Variants in ZCCHC8 observed in about 807,000 individuals in gnomAD.
ZCCHC8 encodes zinc finger CCHC domain-containing protein 8.
Under a neutral mutation model 70.6 loss-of-function variants are expected in ZCCHC8, and 27 were observed. The observed-to-expected ratio is 0.38, with a 90% CI of 0.28 to 0.53. ZCCHC8 has a LOEUF of 0.53. Among genes scored for constraint, ZCCHC8 ranks in the 20% least tolerant of loss-of-function variants. The pLI, the probability that ZCCHC8 is intolerant of heterozygous loss-of-function variation, is 0.81. For missense variants in ZCCHC8, 737 were observed against 876.9 expected (o/e 0.84, Z 2.01); for synonymous variants, 293 against 317.4 (o/e 0.92, Z 0.82).
chr12:122,496,842 T>C (rs1412000397), intron 2 of ZCCHC8, among the ~76,000 whole-genome samples: 2 of 152,118 alleles, frequency 1.3e-5, no homozygotes, highest in Admixed American at 6.6e-5. Flanking sequence ...GGGTGAGATA[T>C]GAGGAAGTTA....
chr12:122,494,214 T>C (rs928093544), intron 2 of ZCCHC8, among the ~76,000 whole-genome samples: 1 of 152,120 alleles, frequency 6.6e-6, no homozygotes, highest in South Asian at 2.1e-4. Flanking sequence ...CTGTACAGCA[T>C]GTGAAATAAA....
At chr12:122,478,758 ACATTCAACAGTGGTTCTCG>A (rs1957473198) in intron 11 of ZCCHC8, among the ~76,000 whole-genome samples, 1 of 151,906 alleles carries the variant, frequency 6.6e-6, no homozygotes, top group African/African-American at 2.4e-5. Flanking sequence ...CTCCAATCGC[ACATTCAACAGTGGTTCTCG>A]GTAAGAATCC....
intron 5 of ZCCHC8, among the ~76,000 whole-genome samples, chr12:122,486,348 G>C (rs1239191535): frequency 6.8e-6 from 1 of 147,926 alleles, no homozygotes; most frequent in Non-Finnish European, 1.5e-5. Flanking sequence ...GGGAGGGGGA[G>C]GTTGCAGTAA....
At chr12:122,486,781 G>T (rs1046644312) in intron 5 of ZCCHC8, among the ~76,000 whole-genome samples, 1 of 152,112 alleles carries the variant, frequency 6.6e-6, no homozygotes, top group Non-Finnish European at 1.5e-5. Context: ...CGTTGGCCAG[G>T]CTGGTCTCCA....
intron 2 of ZCCHC8, 31 bp downstream of exon 2, chr12:122,498,796 C>G (rs1164307311): frequency 6.2e-7 from 1 of 1,604,364 alleles, no homozygotes; most frequent in East Asian, 2.2e-5. Context: ...TAATAAGGGA[C>G]AACTATGGAG....
chr12:122,482,432 G>C, intron 8 of ZCCHC8: 2 of 456,140 alleles, frequency 4.4e-6, no homozygotes, highest in Non-Finnish European at 7.8e-6. Flanking sequence ...TCAAATTAAA[G>C]GACACTGTTT....
At position 122,483,717 on chromosome 12, in the gene ZCCHC8, G is replaced by T; in HGVS notation, c.502-154C>A. ...TTATTAAGGAGCCAGACTTTGATGTGTAAGTAGAAACTACATCGTCAGTTC... is the reference window on the plus strand; with the variant it reads ...TTATTAAGGAGCCAGACTTTGATGTTTAAGTAGAAACTACATCGTCAGTTC... On this transcript the variant is annotated intron_variant, in intron 5 of 13. Coordinates refer to ENST00000633063, the MANE Select transcript of ZCCHC8 (RefSeq NM_017612.5). This position sits in a 1 kb window ranked among gnomAD's most constrained non-coding sequence, Gnocchi z 4.4. 1 of 659,882 alleles carries T rather than the reference G, an allele frequency of 1.5e-6. No homozygotes were observed. The allele number at this position is 659,882 out of a possible 1,614,324, so 40.9% of individuals were successfully genotyped here. A position where few individuals can be genotyped will look rare whatever the true frequency, so the allele number is the denominator to read the frequency against.
intron 5 of ZCCHC8, among the ~76,000 whole-genome samples, chr12:122,487,514 T>C (rs1290951398): frequency 2.0e-5 from 3 of 152,220 alleles, no homozygotes; most frequent in South Asian, 2.1e-4. Flanking sequence ...GAATTCACTT[T>C]TATGAATGAG....
rs2137335448 is a variant in ZCCHC8 at position 122,481,622 on chromosome 12, A to G, written c.918T>C (p.Leu306=). ...QDALGVTDKS[L]PPFIYRMRQL... ...GGCGCATCCGATAGATAAAAGGTGG[A>G]AGACTCTTGTCTGTCACACCTAGTG... is the stretch of plus-strand genomic sequence containing the variant. The change falls in exon 10 of 14, where the codon CTT becomes CTC. Residue 306 remains leucine, a synonymous_variant. Coordinates refer to ENST00000633063, the MANE Select transcript of ZCCHC8 (RefSeq NM_017612.5). 4.3e-6 allele frequency: 7 copies of G among 1,613,902 alleles called. No homozygotes were observed. The highest frequency in any genetic ancestry group is 5.9e-6 in the Non-Finnish European group (7 of 1,179,886).
intron 2 of ZCCHC8, among the ~76,000 whole-genome samples, chr12:122,494,778 A>G (rs545730522): frequency 6.6e-6 from 1 of 151,848 alleles, no homozygotes; most frequent in South Asian, 2.1e-4. Flanking sequence ...TTGCTTGAAC[A>G]GGGGAGGCGG....
chr12:122,473,752 A>G lies in ZCCHC8; in HGVS notation c.1869T>C (p.Leu623=), dbSNP rs1422669869. ...TTGGTACGACACTGCCATTATCAAG[A>G]AGGGCACCTTCAGTGTTTACCGGAG... is the stretch of plus-strand genomic sequence containing the variant. The part of the protein sequence containing the change: ...ELAPVNTEGA[L]LDNGSVVPNC... The change falls in exon 14 of 14, where the codon CTT becomes CTC. Residue 623 remains leucine (L), a synonymous_variant. Transcript: ENST00000633063. 6.2e-7 allele frequency: 1 copy of G among 1,613,646 alleles called. No individual in the cohort carries two copies.
In ZCCHC8 at chr12:122,500,595, C is replaced by A; in HGVS notation, c.199+47G>T. On this transcript the variant is annotated intron_variant, in intron 1 of 13. Transcript: ENST00000633063. The surrounding 1 kb of genome is among the most constrained non-coding windows in gnomAD (Gnocchi z 4.8). ...GCCCCGGCCCCACGCCTGGCGCTGC[C>A]CCGGCCCCACACCCGGGTGACAGGG... 6.6e-7 allele frequency: 1 copy of A among 1,520,510 alleles called. No individual in the cohort carries two copies. The highest frequency in any genetic ancestry group is 8.8e-7 in the Non-Finnish European group (1 of 1,134,722). The allele number at this position is 1,520,510 out of a possible 1,614,324, so 94.2% of individuals were successfully genotyped here. A position where few individuals can be genotyped will look rare whatever the true frequency, so the allele number is the denominator to read the frequency against.
intron 8 of ZCCHC8, chr12:122,482,370 T>A: frequency 2.4e-6 from 1 of 424,958 alleles, no homozygotes; most frequent in East Asian, 3.6e-5. Flanking sequence ...TTTTAAATTA[T>A]TTACTGAAAA....
At chr12:122,499,314 G>T (rs966345436) in intron 1 of ZCCHC8, 5 of 171,164 alleles carry the variant, frequency 2.9e-5, no homozygotes, top group Non-Finnish European at 5.0e-5. Flanking sequence ...TGTCGCCCAG[G>T]CTGGAGTGCA....
chr12:122,489,010 C>G (rs1362723012), intron 5 of ZCCHC8, among the ~76,000 whole-genome samples: 1 of 152,142 alleles, frequency 6.6e-6, no homozygotes, highest in Non-Finnish European at 1.5e-5. Context: ...TTTCACCCAC[C>G]ATTTGAGACT....
chr12:122,481,438 T>C, intron 10 of ZCCHC8, 84 bp downstream of exon 10: 1 of 1,466,410 alleles, frequency 6.8e-7, no homozygotes, highest in Non-Finnish European at 9.1e-7. Flanking sequence ...AAGCCGGCCA[T>C]TCCTATCACA....
chr12:122,500,785 G>T lies in ZCCHC8; in HGVS notation c.56C>A (p.Pro19Gln). Residue 19 changes from proline (P) to glutamine (Q), a missense_variant, in exon 1 of 14, where the codon CCA becomes CAA. By Grantham distance (76) the Pro-to-Gln change is moderately conservative. Coordinates refer to ENST00000633063, the MANE Select transcript of ZCCHC8 (RefSeq NM_017612.5). The surrounding 1 kb of genome is among the most constrained non-coding windows in gnomAD (Gnocchi z 4.8). ...AACGGGCTTCGGAATCGACTCCTCT[G>T]GGTGGTCGAACGGCTCGAAGAGCTC... ...DLELFEPFDHPEESIPKPVHT... is the reference protein window; with the variant it reads ...DLELFEPFDHQEESIPKPVHT... 1 of 1,590,302 alleles carries T rather than the reference G, an allele frequency of 6.3e-7. No homozygotes were observed. Among genetic ancestry groups the T allele is most frequent in the East Asian group, 2.3e-5 (1 of 43,640 alleles).
chr12:122,497,783 AG>A (rs1957848244), intron 2 of ZCCHC8, among the ~76,000 whole-genome samples: 1 of 151,906 alleles, frequency 6.6e-6, no homozygotes, highest in African/African-American at 2.4e-5. Context: ...CCTAGGCAGA[AG>A]GATCACTTCA....
At chr12:122,484,422 T>C (rs1957597063) in intron 5 of ZCCHC8, among the ~76,000 whole-genome samples, 1 of 151,778 alleles carries the variant, frequency 6.6e-6, no homozygotes, top group South Asian at 2.1e-4. Flanking sequence ...TAATTTTTTT[T>C]TTTTTTTTGA....
Sources: allele counts gnomAD v4.1 joint callset (sites outside exome capture counted in the v4.1 genomes callset), GRCh38; gene constraint gnomAD v4.1.1; non-coding constraint Gnocchi (gnomAD v3.1); transcripts MANE v1.5; gene names NCBI Gene and HGNC (gene_info 2026-07-23, HGNC 2026-07-21).